Variants in ARID1B observed in about 807,000 individuals in gnomAD.
The protein encoded by ARID1B is AT-rich interactive domain-containing protein 1B.
In ARID1B, 30 loss-of-function variants were observed where a neutral mutation model predicts 212.3. That is an observed-to-expected ratio of 0.14 (90% CI 0.11 to 0.19). ARID1B has a LOEUF of 0.19. Among genes scored for constraint, ARID1B ranks in the 10% least tolerant of loss-of-function variants. ARID1B has a pLI of 1.00. For synonymous variants in ARID1B, 1,402 were observed against 1,301.7 expected, an observed-to-expected ratio of 1.08 and a Z score of -1.66; for missense variants, 2,891 against 3,204.0, an observed-to-expected ratio of 0.90 and a Z score of 2.36.
At chr6:157,187,536 C>CA (rs1793055648) in intron 13 of ARID1B, among the ~76,000 whole-genome samples, 1 of 152,208 alleles carries the variant, frequency 6.6e-6, no homozygotes, top group South Asian at 2.1e-4. Context: ...AGAACTAGGG[C>CA]ACCAGGTTCG....
chr6:156,911,604 A>G (rs945224959), intron 3 of ARID1B, among the ~76,000 whole-genome samples: 1 of 152,190 alleles, frequency 6.6e-6, no homozygotes, highest in African/African-American at 2.4e-5. Context: ...TGAGTTCCCT[A>G]TGTATAAAAT....
At chr6:156,934,933 TATA>T (rs2128272188) in intron 3 of ARID1B, among the ~76,000 whole-genome samples, 1 of 78,086 alleles carries the variant, frequency 1.3e-5, no homozygotes, top group South Asian at 3.4e-4. Flanking sequence ...TATATATATA[TATA>T]TATATATATA....
At chr6:157,118,352 G>A (rs576286333) in intron 6 of ARID1B, among the ~76,000 whole-genome samples, 2 of 152,274 alleles carry the variant, frequency 1.3e-5, no homozygotes, top group African/African-American at 4.8e-5. Flanking sequence ...AGATATACTG[G>A]TTGTCAGAAA....
rs141863059 is a variant in ARID1B at position 156,792,296 on chromosome 6, C to G, written c.1791+12825C>G. Among the ~76,000 whole-genome samples the G allele has an allele frequency of 2.8e-4, 43 of 152,052 alleles. 1 individual carries two copies. The highest frequency in any genetic ancestry group is 8.9e-4 in the African/African-American group (37 of 41,420). ...TCCCCAAGTATCAGTCCTATGCAGC[C>G]CCCCCTTTTTAAAAAACCATGCAAG... On this transcript the variant is annotated intron_variant, in intron 1 of 19. Coordinates refer to ENST00000636930, the MANE Select transcript of ARID1B (RefSeq NM_001374828.1).
rs573723528 is a variant in ARID1B, at chr6:156,924,804, T to C, written c.2137-10662T>C. On this transcript the variant is annotated intron_variant, in intron 3 of 19. Coordinates refer to ENST00000636930, the MANE Select transcript of ARID1B (RefSeq NM_001374828.1). ...GTATAGATTTTTAAAAATTATTAGATACATTACTTTTTCCCTACAAAAAGT... is the reference window on the plus strand; with the variant it reads ...GTATAGATTTTTAAAAATTATTAGACACATTACTTTTTCCCTACAAAAAGT... 5.9e-5 allele frequency among the ~76,000 whole-genome samples: 9 copies of C among 152,324 alleles called. No homozygotes were observed. In the South Asian group the frequency reaches 1.7e-3, roughly 28 times the overall value.
intron 4 of ARID1B, among the ~76,000 whole-genome samples, chr6:156,996,603 G>T (rs527889258): frequency 1.3e-5 from 2 of 152,188 alleles, no homozygotes; most frequent in African/African-American, 4.8e-5. Context: ...TTTGTAGATT[G>T]TGGAGTACTT....
At chr6:156,788,199 G>A (rs914098085) in intron 1 of ARID1B, among the ~76,000 whole-genome samples, 5 of 151,976 alleles carry the variant, frequency 3.3e-5, no homozygotes, top group Admixed American at 6.6e-5. Flanking sequence ...GCTATGCACC[G>A]CTGAACAGCT....
chr6:156,845,327 C>A (rs980899894), intron 2 of ARID1B, among the ~76,000 whole-genome samples: 19 of 152,132 alleles, frequency 1.2e-4, no homozygotes, highest in African/African-American at 4.6e-4. Flanking sequence ...TAAAGCATCC[C>A]TTAACTGCCA....
At position 157,208,225 on chromosome 6, in the gene ARID1B, G is replaced by C. The variant is rs1292523748; in HGVS notation, c.*334G>C. On this transcript the variant is annotated 3_prime_UTR_variant, in exon 20 of 20. Transcript: ENST00000636930. ...CCCATGTTGTATTGCATTTTTGGGG[G>C]AAGCAAATTGACTTTAAAGAAAAAA... The C allele has an allele frequency of 3.9e-6, 1 of 255,328 alleles. No individual in the cohort carries two copies. Among genetic ancestry groups the C allele is most frequent in the African/African-American group, 2.2e-5 (1 of 45,970 alleles). The allele number at this position is 255,328 out of a possible 1,614,324, so 15.8% of individuals were successfully genotyped here.
chr6:157,159,452 C>T (rs1361823599), intron 8 of ARID1B, among the ~76,000 whole-genome samples: 1 of 152,182 alleles, frequency 6.6e-6, no homozygotes, highest in Non-Finnish European at 1.5e-5. Flanking sequence ...TTAGGAACAA[C>T]TAAAGCTGGT....
intron 2 of ARID1B, among the ~76,000 whole-genome samples, chr6:156,833,080 TATTCTGCCTCCAG>T (rs1274249314): frequency 6.6e-6 from 1 of 152,184 alleles, no homozygotes; most frequent in Non-Finnish European, 1.5e-5. Context: ...CTGTGGAGAA[TATTCTGCCTCCAG>T]GCTTCTGGAA....
intron 3 of ARID1B, 176 bp downstream of exon 3, chr6:156,901,701 T>A: frequency 1.2e-6 from 1 of 832,188 alleles, no homozygotes; most frequent in Non-Finnish European, 1.8e-6. Context: ...TCTTTTCCCC[T>A]TTTGAGATTG....
intron 4 of ARID1B, chr6:156,985,696 G>A (rs1174307526): frequency 6.6e-6 from 1 of 152,066 alleles, no homozygotes; most frequent in Non-Finnish European, 1.5e-5. Flanking sequence ...ACATGTATTG[G>A]GTTTAATTGC....
chr6:157,015,618 G>A (rs905661642), intron 4 of ARID1B, among the ~76,000 whole-genome samples: 7 of 152,212 alleles, frequency 4.6e-5, no homozygotes, highest in Non-Finnish European at 8.8e-5. Flanking sequence ...GCTGATCAGA[G>A]TTATTCTAAA....
chr6:157,038,663 G>C (rs1379108292), intron 4 of ARID1B, among the ~76,000 whole-genome samples: 1 of 152,056 alleles, frequency 6.6e-6, no homozygotes, highest in Admixed American at 6.5e-5. Flanking sequence ...TTTAACATAT[G>C]GTTGTCTTGT....
At chr6:156,802,989 C>T (rs1780894856) in intron 1 of ARID1B, among the ~76,000 whole-genome samples, 1 of 152,090 alleles carries the variant, frequency 6.6e-6, no homozygotes, top group East Asian at 1.9e-4. Context: ...TATACTTTTG[C>T]ATGTTTCCAT....
At chr6:156,920,752 C>T (rs929932531) in intron 3 of ARID1B, among the ~76,000 whole-genome samples, 1 of 151,988 alleles carries the variant, frequency 6.6e-6, no homozygotes, top group African/African-American at 2.4e-5. Context: ...TTTGCATTAG[C>T]CTAGGGAGAC....
chr6:156,849,901 C>A (rs936984765), intron 2 of ARID1B, among the ~76,000 whole-genome samples: 8 of 151,616 alleles, frequency 5.3e-5, no homozygotes, highest in Non-Finnish European at 1.2e-4. Flanking sequence ...ATGAAAGCAC[C>A]TTTTTGACAC....
intron 4 of ARID1B, among the ~76,000 whole-genome samples, chr6:156,978,116 A>C (rs562535765): frequency 6.6e-6 from 1 of 152,176 alleles, no homozygotes; most frequent in Non-Finnish European, 1.5e-5. Context: ...AAGACTGCCA[A>C]TACCAGGAGC....
Sources: allele counts gnomAD v4.1 joint callset (sites outside exome capture counted in the v4.1 genomes callset), GRCh38; gene constraint gnomAD v4.1.1; transcripts MANE v1.5; gene names NCBI Gene and HGNC (gene_info 2026-07-23, HGNC 2026-07-21).